The following SHROOM4 variants were observed in gnomAD, a reference collection of about 807,000 sequenced individuals.
SHROOM4 encodes the protein shroom family member 4.
In SHROOM4, 17 loss-of-function variants were observed where a neutral mutation model predicts 80.3. The ratio of observed to expected loss-of-function variants is 0.21; its 90% CI spans 0.14 to 0.32. SHROOM4 has a LOEUF of 0.32. Ranked by LOEUF, SHROOM4 falls within the 10% of genes least tolerant of loss-of-function variation. The pLI is 1.00. For synonymous variants in SHROOM4, 400 were observed against 437.5 expected (o/e 0.91, Z 1.07); for missense variants, 993 against 1,140.3 (o/e 0.87, Z 1.86).
chrX:50,699,270 C>T (rs1933456491), intron 1 of SHROOM4, among the ~76,000 whole-genome samples: 1 of 111,973 alleles, frequency 8.9e-6, no homozygotes, highest in African/African-American at 3.3e-5. Flanking sequence ...AACCAAAAGC[C>T]AGGTGGTGCC....
At chrX:50,604,861 G>A (rs1929596907) in intron 6 of SHROOM4, among the ~76,000 whole-genome samples, 1 of 111,785 alleles carries the variant, frequency 8.9e-6, no homozygotes, top group Non-Finnish European at 1.9e-5. Context: ...AGTCCATAAA[G>A]CAAGCTATAC....
intron 2 of SHROOM4, among the ~76,000 whole-genome samples, chrX:50,656,114 T>C (rs1932300707): frequency 8.9e-6 from 1 of 112,043 alleles, no homozygotes; most frequent in African/African-American, 3.2e-5. Context: ...TTATTTGTTT[T>C]CTTACTATTG....
chrX:50,767,541 C>T (rs782717341), intron 1 of SHROOM4, among the ~76,000 whole-genome samples: 20 of 111,596 alleles, frequency 1.8e-4, no homozygotes, highest in South Asian at 3.8e-4. Flanking sequence ...GTGGGTCTCT[C>T]TGAGGTCAAG....
chrX:50,756,399 A>C (rs781829808), intron 1 of SHROOM4, among the ~76,000 whole-genome samples: 1 of 112,056 alleles, frequency 8.9e-6, no homozygotes, highest in African/African-American at 3.2e-5. Flanking sequence ...GAAGTTGAGG[A>C]TGTTTGGGGT....
At chrX:50,629,049 AGCCCTGTGGACGT>A (rs1257040167) in intron 4 of SHROOM4, among the ~76,000 whole-genome samples, 1 of 112,021 alleles carries the variant, frequency 8.9e-6, no homozygotes, top group African/African-American at 3.2e-5. Context: ...TGCCCTGTCT[AGCCCTGTGGACGT>A]GCTCAGTAAA....
At chrX:50,615,747 G>C (rs1021203491) in intron 5 of SHROOM4, among the ~76,000 whole-genome samples, 1 of 111,448 alleles carries the variant, frequency 9.0e-6, no homozygotes, top group South Asian at 3.9e-4. Flanking sequence ...GTCAGCAGCT[G>C]TCCAATTGCT....
chrX:50,659,113 A>T (rs782224190), intron 2 of SHROOM4, among the ~76,000 whole-genome samples: 11 of 111,737 alleles, frequency 9.8e-5, no homozygotes, highest in Non-Finnish European at 1.5e-4. Flanking sequence ...AAATCATGGA[A>T]ATGAAAGGGG....
the SHROOM4 span, among the ~76,000 whole-genome samples, chrX:50,576,811 G>T: frequency 8.9e-6 from 1 of 111,773 alleles, no homozygotes; most frequent in African/African-American, 3.3e-5. Flanking sequence ...AATGTCTACA[G>T]ACATTTTAAC....
intron 1 of SHROOM4, among the ~76,000 whole-genome samples, chrX:50,775,554 G>T (rs910001765): frequency 9.0e-6 from 1 of 111,647 alleles, no homozygotes; most frequent in African/African-American, 3.3e-5. Flanking sequence ...AGCCCTTAAC[G>T]CCCACCCAAG....
chrX:50,698,934 G>A (rs2147463656), intron 1 of SHROOM4, among the ~76,000 whole-genome samples: 1 of 111,907 alleles, frequency 8.9e-6, no homozygotes, highest in South Asian at 3.8e-4. Context: ...ACTCTGGCTG[G>A]GGCCCTGGAA....
At chrX:50,704,050 C>T (rs1353047755) in intron 1 of SHROOM4, among the ~76,000 whole-genome samples, 1 of 111,504 alleles carries the variant, frequency 9.0e-6, no homozygotes, top group Non-Finnish European at 1.9e-5. Flanking sequence ...TTGTCAGCAA[C>T]AGAGTTTACC....
At chrX:50,618,676 C>T (rs184557046) in intron 5 of SHROOM4, among the ~76,000 whole-genome samples, 32 of 111,726 alleles carry the variant, frequency 2.9e-4, no homozygotes, top group African/African-American at 9.4e-4. Flanking sequence ...GCGTGAGCCA[C>T]CGCACCCAGT....
At chrX:50,708,451 G>T (rs1162301800) in intron 1 of SHROOM4, among the ~76,000 whole-genome samples, 4 of 112,188 alleles carry the variant, frequency 3.6e-5, no homozygotes, top group Non-Finnish European at 5.6e-5. Flanking sequence ...CATAGAAGCA[G>T]CAGGAGGGAA....
rs1557246824 is a variant in SHROOM4, at chrX:50,596,979, G to A, written c.4213-15C>T. On this transcript the variant is annotated splice_polypyrimidine_tract_variant and intron_variant, in intron 8 of 8. Transcript: ENST00000376020. ...ATCAGTACCAACTGGGGAAGCAGAGGACCAAGTAAGGGCTCTCTCAATTAC... is the reference window on the plus strand; with the variant it reads ...ATCAGTACCAACTGGGGAAGCAGAGAACCAAGTAAGGGCTCTCTCAATTAC... 8.3e-7 allele frequency: 1 copy of A among 1,206,144 alleles called. No individual in the cohort carries two copies. Among genetic ancestry groups the A allele is most frequent in the Non-Finnish European group, 1.1e-6 (1 of 893,419 alleles).
chrX:50,599,008 TTGTGTGTGTG>T (rs57494031), intron 7 of SHROOM4, among the ~76,000 whole-genome samples: 124 of 98,830 alleles, frequency 1.3e-3, no homozygotes, highest in Middle Eastern at 5.1e-3. Context: ...GTGTGTGTGT[TTGTGTGTGTG>T]TGTGTGTGTG....
the SHROOM4 span, among the ~76,000 whole-genome samples, chrX:50,581,054 G>T: frequency 9.0e-6 from 1 of 111,471 alleles, no homozygotes; most frequent in Middle Eastern, 4.6e-3. Flanking sequence ...AAGCAAAACT[G>T]GACACAGGCT....
At chrX:50,740,973 G>A (rs1557267171) in intron 1 of SHROOM4, among the ~76,000 whole-genome samples, 1 of 111,327 alleles carries the variant, frequency 9.0e-6, no homozygotes, top group Non-Finnish European at 1.9e-5. Context: ...TGTAGATGGT[G>A]GGACATAAGT....
At chrX:50,713,755 C>T (rs1215041642) in intron 1 of SHROOM4, among the ~76,000 whole-genome samples, 1 of 112,321 alleles carries the variant, frequency 8.9e-6, no homozygotes, top group Non-Finnish European at 1.9e-5. Context: ...TATTTTCTTC[C>T]ATTCAACGTG....
At chrX:50,621,815 C>T (rs1930586115) in intron 5 of SHROOM4, among the ~76,000 whole-genome samples, 1 of 111,682 alleles carries the variant, frequency 9.0e-6, no homozygotes, top group Admixed American at 9.6e-5. Context: ...CATATTCTTT[C>T]ACTCAATCAG....
Sources: gnomAD v4.1 joint callset for allele counts (sites outside exome capture counted in the v4.1 genomes callset) on GRCh38, gnomAD v4.1.1 for gene constraint, MANE v1.5 for transcripts, NCBI Gene and HGNC (gene_info 2026-07-23, HGNC 2026-07-21) for gene names.